Variants in RAB38 observed in about 807,000 individuals in gnomAD.
RAB38 encodes RAB38, member RAS oncogene family.
In RAB38, 15 loss-of-function variants were observed where a neutral mutation model predicts 18.4. The ratio of observed to expected loss-of-function variants is 0.82; its 90% CI spans 0.55 to 1.26. The LOEUF (loss-of-function observed/expected upper bound fraction) is 1.26. RAB38 is among the 50% of genes most tolerant of loss of function. The probability of loss-of-function intolerance (pLI) is 0.00; values close to 1 mark genes in which losing one functional copy is unlikely to be tolerated. For synonymous variants in RAB38, 101 were observed against 104.4 expected (o/e 0.97, Z 0.20); for missense variants, 294 against 267.4 (o/e 1.10, Z -0.69).
the RAB38 span, among the ~76,000 whole-genome samples, chr11:87,812,241 T>G: frequency 6.6e-6 from 1 of 152,184 alleles, no homozygotes; most frequent in Non-Finnish European, 1.5e-5. Context: ...TCAAGCCTCT[T>G]TTTGTTTTGC....
rs1942512827 is a variant in RAB38 at position 88,114,020 on chromosome 11, C to G, written c.604G>C (p.Val202Leu). The G allele has an allele frequency of 1.2e-6, 2 of 1,614,154 alleles. No individual in the cohort carries two copies. Among genetic ancestry groups the G allele is most frequent in the South Asian group, 1.1e-5 (1 of 91,086 alleles). Residue 202 changes from valine (V) to leucine (L), a missense_variant, in exon 3 of 3, where the codon GTT becomes CTT. Coordinates refer to ENST00000243662, the MANE Select transcript of RAB38 (RefSeq NM_022337.3). ...TTGGCACAGCCAGAGCAGCTGGCAA[C>G]CTTGGTTGATGTGAGATGGGGCTTC... The part of the protein sequence containing the change: ...VVKPHLTSTK[V>L]ASCSGCAKS
chr11:87,937,114 T>C, the RAB38 span, among the ~76,000 whole-genome samples: 3 of 151,700 alleles, frequency 2.0e-5, no homozygotes, highest in East Asian at 5.8e-4. Flanking sequence ...AGCTTTGTTG[T>C]AGATGTTCTT....
chr11:88,167,546 A>G (rs534825417), intron 1 of RAB38: 1 of 152,332 alleles, frequency 6.6e-6, no homozygotes, highest in Non-Finnish European at 1.5e-5. Context: ...AGTTCCGGTG[A>G]GTTGTGAAGA....
At chr11:88,044,133 G>A in the RAB38 span, among the ~76,000 whole-genome samples, 21 of 152,186 alleles carry the variant, frequency 1.4e-4, no homozygotes, top group African/African-American at 3.9e-4. Context: ...TGCCGGTCAC[G>A]GACTCCAGAA....
the RAB38 span, among the ~76,000 whole-genome samples, chr11:87,828,032 T>C: frequency 1.3e-5 from 2 of 152,196 alleles, no homozygotes; most frequent in South Asian, 4.1e-4. Flanking sequence ...GTTGGTTTCT[T>C]AGTTTTGACA....
At chr11:87,847,467 A>G in the RAB38 span, among the ~76,000 whole-genome samples, 1 of 152,164 alleles carries the variant, frequency 6.6e-6, no homozygotes, top group African/African-American at 2.4e-5. Context: ...GAATAGTCTT[A>G]TGTAAATTAA....
chr11:88,033,954 C>T, the RAB38 span, among the ~76,000 whole-genome samples: 2 of 152,086 alleles, frequency 1.3e-5, no homozygotes, highest in Non-Finnish European at 2.9e-5. Flanking sequence ...GTCTCGATCT[C>T]CTGACCTCGT....
chr11:88,047,366 G>A, the RAB38 span, among the ~76,000 whole-genome samples: 4 of 152,034 alleles, frequency 2.6e-5, no homozygotes, highest in Non-Finnish European at 4.4e-5. Context: ...AACACACTTG[G>A]TTTATTGATG....
At chr11:87,913,718 G>A in the RAB38 span, among the ~76,000 whole-genome samples, 2 of 152,170 alleles carry the variant, frequency 1.3e-5, no homozygotes, top group East Asian at 3.9e-4. Flanking sequence ...TCATTCTTGT[G>A]GGACTGACGC....
chr11:87,925,705 C>A, the RAB38 span, among the ~76,000 whole-genome samples: 1 of 151,880 alleles, frequency 6.6e-6, no homozygotes, highest in Non-Finnish European at 1.5e-5. Flanking sequence ...GACCAGTGGG[C>A]AAATGTTATA....
At chr11:88,117,119 C>T (rs139216227) in intron 2 of RAB38, among the ~76,000 whole-genome samples, 83 of 152,272 alleles carry the variant, frequency 5.5e-4, no homozygotes, top group Non-Finnish European at 8.4e-4. Context: ...AGAAAGGAAA[C>T]AGGCAGAGCC....
the RAB38 span, among the ~76,000 whole-genome samples, chr11:87,925,046 T>C: frequency 6.6e-6 from 1 of 151,998 alleles, no homozygotes; most frequent in African/African-American, 2.4e-5. Flanking sequence ...GGTGATGTCT[T>C]GAACCAGGGA....
chr11:87,877,906 A>G, the RAB38 span, among the ~76,000 whole-genome samples: 1 of 151,498 alleles, frequency 6.6e-6, no homozygotes, highest in Non-Finnish European at 1.5e-5. Context: ...TGTAGAGTGC[A>G]TGACTAATTT....
chr11:87,874,419 G>T, the RAB38 span, among the ~76,000 whole-genome samples: 1 of 151,248 alleles, frequency 6.6e-6, no homozygotes. Flanking sequence ...TAAAAAATGG[G>T]CAAAGGACCT....
At chr11:87,873,922 G>GTGTGTATATATATATATA in the RAB38 span, among the ~76,000 whole-genome samples, 233 of 103,066 alleles carry the variant, frequency 2.3e-3, no homozygotes, top group African/African-American at 3.6e-3. Flanking sequence ...GTGTGTGTGT[G>GTGTGTATATATATATATA]TATATATATA....
At chr11:87,893,473 GGAAGAT>G in the RAB38 span, among the ~76,000 whole-genome samples, 1 of 148,236 alleles carries the variant, frequency 6.7e-6, no homozygotes, top group Non-Finnish European at 1.5e-5. Context: ...TCAGGAGGAA[GGAAGAT>G]GCTTTGTTTT....
the RAB38 span, among the ~76,000 whole-genome samples, chr11:88,003,997 A>G: frequency 7.7e-6 from 1 of 130,262 alleles, no homozygotes; most frequent in African/African-American, 3.0e-5. Context: ...GTATATATAT[A>G]TATAAAAAAG....
the RAB38 span, among the ~76,000 whole-genome samples, chr11:88,007,961 G>A: frequency 6.6e-6 from 1 of 152,012 alleles, no homozygotes; most frequent in Non-Finnish European, 1.5e-5. Flanking sequence ...AAAATACGTT[G>A]AGTAAAGAAG....
the RAB38 span, among the ~76,000 whole-genome samples, chr11:87,926,168 C>A: frequency 6.6e-6 from 1 of 151,876 alleles, no homozygotes; most frequent in African/African-American, 2.4e-5. Context: ...ATCGCCACTA[C>A]CCTCTTTGAC....
Sources: gnomAD v4.1 joint callset for allele counts (sites outside exome capture counted in the v4.1 genomes callset) on GRCh38, gnomAD v4.1.1 for gene constraint, MANE v1.5 for transcripts, NCBI Gene and HGNC (gene_info 2026-07-23, HGNC 2026-07-21) for gene names.